ASPM: variants seen among roughly 807,000 people sequenced by gnomAD.
The protein encoded by ASPM is abnormal spindle-like microcephaly-associated protein.
Under a neutral mutation model 366.4 loss-of-function variants are expected in ASPM, and 256 were observed. That is an observed-to-expected ratio of 0.70 (90% CI 0.63 to 0.77). The LOEUF (loss-of-function observed/expected upper bound fraction) is 0.77. Ranked by LOEUF, ASPM falls within the 30% of genes least tolerant of loss-of-function variation. ASPM has a pLI of 0.00. For synonymous variants in ASPM, 1,414 were observed against 1,342.9 expected, an observed-to-expected ratio of 1.05 and a Z score of -1.16; for missense variants, 4,146 against 4,090.4, an observed-to-expected ratio of 1.01 and a Z score of -0.37.
chr1:197,091,484 A>C (rs1181980944), intron 22 of ASPM, among the ~76,000 whole-genome samples: 2 of 152,034 alleles, frequency 1.3e-5, no homozygotes, highest in Non-Finnish European at 2.9e-5. Flanking sequence ...AAAGATGTTA[A>C]AAAAAAGTAC....
chr1:197,129,687 CTT>C (rs1658204001), intron 8 of ASPM, among the ~76,000 whole-genome samples: 2 of 152,198 alleles, frequency 1.3e-5, no homozygotes, highest in South Asian at 2.1e-4. Flanking sequence ...CCCCATAGGA[CTT>C]ACAACCTACT....
chr1:197,138,586 C>T (rs1483105712), intron 4 of ASPM, among the ~76,000 whole-genome samples: 1 of 152,196 alleles, frequency 6.6e-6, no homozygotes, highest in African/African-American at 2.4e-5. Context: ...GCATGAGCCA[C>T]CACGCCCCAC....
In ASPM at chr1:197,102,428, T is replaced by C. The variant is rs1657224689; in HGVS notation, c.6823A>G (p.Thr2275Ala). Residue 2275 changes from threonine (T) to alanine (A), a missense_variant, in exon 18 of 28, where the codon ACT becomes GCT. Around this residue, in one of 3 missense-constraint regions of ASPM, gnomAD observed 3,624 missense variants for 3,591.7 expected, o/e 1.01. Coordinates refer to ENST00000367409, the MANE Select transcript of ASPM (RefSeq NM_018136.5). ...AATLIQRRFR[T>A]LMMRRRFLSL... ...AGGAATCTTCTTCTCATCATTAGAG[T>C]TCTAAATCTCCTCTGAATGAGAGTT... 6.2e-7 allele frequency: 1 copy of C among 1,612,466 alleles called. No individual in the cohort carries two copies. The highest frequency in any genetic ancestry group is 1.3e-5 in the African/African-American group (1 of 74,786).
intron 5 of ASPM, 45 bp downstream of exon 5, chr1:197,135,051 T>C (rs1269411903): frequency 1.5e-6 from 2 of 1,335,576 alleles, no homozygotes; most frequent in Non-Finnish European, 2.1e-6. Flanking sequence ...AAAATCTTTA[T>C]CTGTTAAAAG....
intron 18 of ASPM, among the ~76,000 whole-genome samples, chr1:197,097,262 T>C (rs2125091538): frequency 6.6e-6 from 1 of 151,838 alleles, no homozygotes; most frequent in South Asian, 2.1e-4. Context: ...AAGTAAGAAA[T>C]AATGTAATGC....
In ASPM at chr1:197,090,864, T is replaced by C; in HGVS notation, c.9622A>G (p.Ile3208Val). ...GTTTCAATTACCTGAATTTTAATGA[T>C]TCCACTAGTGAATTTTTCCTGCTTT... The part of the protein sequence containing the change: ...RKKQEKFTSG[I>V]IKIQALWRGY... The change falls in exon 23 of 28, where the codon ATC becomes GTC. Residue 3208 changes from isoleucine to valine, a missense_variant. By Grantham distance (29) the Ile-to-Val change is conservative. Coordinates refer to ENST00000367409, the MANE Select transcript of ASPM (RefSeq NM_018136.5). 1 of 1,612,848 alleles carries C rather than the reference T, an allele frequency of 6.2e-7. No homozygotes were observed. The highest frequency in any genetic ancestry group is 1.7e-5 in the Admixed American group (1 of 59,960).
Position 197,143,078 on chromosome 1 carries a change from A to T in ASPM, c.1174T>A (p.Ser392Thr), listed in dbSNP as rs765134677. The change falls in exon 3 of 28, where the codon TCC (serine) becomes ACC (threonine). Residue 392 changes from serine (S) to threonine (T), a missense_variant. This residue lies in a region of ASPM where 512 missense variants were observed against 471.7 expected (regional missense o/e 1.09). Coordinates refer to ENST00000367409, the MANE Select transcript of ASPM (RefSeq NM_018136.5). ...LESESVNPIL[S>T]PNQFLKDNMA... is the part of the protein sequence containing the mutation. ...TTATCTTTTAAAAATTGATTAGGGG[A>T]TAAAATAGGATTAACTGACTCTGAT... 21 of 1,613,018 alleles carry T rather than the reference A, an allele frequency of 1.3e-5. No homozygotes were observed. In the South Asian group the frequency reaches 2.3e-4, roughly 18 times the overall value.
Position 197,135,220 on chromosome 1 carries a change from T to C in ASPM, c.2049A>G (p.Pro683=), listed in dbSNP as rs1462540567. The change falls in exon 5 of 28, where the codon CCA becomes CCG. Residue 683 remains proline, a synonymous_variant. Coordinates refer to ENST00000367409, the MANE Select transcript of ASPM (RefSeq NM_018136.5). ...LKTDIPRHPM[P]FAAKNMFYDE... The stretch of plus-strand genomic sequence containing the variant: ...CATAAAACATGTTTTTTGCAGCAAA[T>C]GGCATCGGGTGTCTGGGAATATCTA... 1.9e-6 allele frequency: 3 copies of C among 1,613,918 alleles called. No homozygotes were observed. The highest frequency in any genetic ancestry group is 2.5e-6 in the Non-Finnish European group (3 of 1,179,952).
intron 17 of ASPM, among the ~76,000 whole-genome samples, chr1:197,115,954 T>C (rs180736668): frequency 1.0e-3 from 153 of 152,324 alleles, no homozygotes; most frequent in Non-Finnish European, 1.8e-3. Flanking sequence ...AAACTCTCCT[T>C]TGAATCTTTG....
intron 7 of ASPM, 93 bp downstream of exon 7, chr1:197,132,192 A>G (rs912474361): frequency 1.6e-5 from 16 of 1,022,468 alleles, no homozygotes; most frequent in East Asian, 5.4e-5. Context: ...TTCAACTTTT[A>G]TAAGTAAAAC....
intron 7 of ASPM, among the ~76,000 whole-genome samples, chr1:197,131,792 C>A (rs1260661535): frequency 6.6e-6 from 1 of 151,712 alleles, no homozygotes; most frequent in Admixed American, 6.6e-5. Context: ...ATCTCCTGAC[C>A]TCACGATCAG....
At chr1:197,112,086 T>C (rs1400393855) in intron 17 of ASPM, among the ~76,000 whole-genome samples, 2 of 152,200 alleles carry the variant, frequency 1.3e-5, no homozygotes, top group African/African-American at 2.4e-5. Flanking sequence ...ATATTCACAA[T>C]AGCAAAGACA....
At position 197,105,087 on chromosome 1, in the gene ASPM, T is replaced by C. The variant is rs201902806; in HGVS notation, c.4164A>G (p.Thr1388=). 16 of 1,609,794 alleles carry C rather than the reference T, an allele frequency of 9.9e-6. No individual in the cohort carries two copies. The East Asian group carries it at 2.2e-4, about 22-fold the overall frequency. Reference sequence around the variant, plus strand: ...TAGCCCAAAGATATCGTTTATAAGATGTAACAGCAATTATCATTCTTATCC... The same window carrying C: ...TAGCCCAAAGATATCGTTTATAAGACGTAACAGCAATTATCATTCTTATCC... ...QSRIRMIIAV[T]SYKRYLWATV... The change falls in exon 18 of 28, where the codon ACA becomes ACG. Residue 1388 remains threonine (T), a synonymous_variant. Coordinates refer to ENST00000367409, the MANE Select transcript of ASPM (RefSeq NM_018136.5).
At position 197,146,369 on chromosome 1, in the gene ASPM, C is replaced by G; in HGVS notation, c.69G>C (p.Gly23=). Residue 23 remains glycine (G), a synonymous_variant, in exon 1 of 28, where the codon GGG becomes GGC. Transcript: ENST00000367409. ...CCTCCTCGGCCGCGGGGCCCCGCAG[C>G]CCCGCGGGCGGCCTCCGCTCGGTCG... ...VSPTERRPPA[G]LRGPAAEEEA... is the part of the protein sequence containing the mutation. 2 of 1,608,584 alleles carry G rather than the reference C, an allele frequency of 1.2e-6. No homozygotes were observed. Among genetic ancestry groups the G allele is most frequent in the Non-Finnish European group, 1.7e-6 (2 of 1,178,502 alleles).
Position 197,133,896 on chromosome 1 carries a change from TAA to T in ASPM, c.2174-303_2174-302del, listed in dbSNP as rs201492897. ...TGTTCCCATCCTTTTTATAAATTAA[TAA>T]AAGTCAAGTTTCTAAGGAATATAAT... On this transcript the variant is annotated intron_variant, in intron 5 of 27. Transcript: ENST00000367409. 9.0e-3 allele frequency among the ~76,000 whole-genome samples: 1,366 copies of T among 152,330 alleles called. 18 individuals are homozygous for T. The highest frequency in any genetic ancestry group is 0.029 in the African/African-American group (1,211 of 41,582).
intron 23 of ASPM, 52 bp downstream of exon 23, chr1:197,090,798 A>T (rs4915316): frequency 6.6e-7 from 1 of 1,509,782 alleles, no homozygotes. Flanking sequence ...GATATCATGT[A>T]GATGAATTGC....
At chr1:197,087,544 AT>A (rs1656634669) in intron 26 of ASPM, among the ~76,000 whole-genome samples, 1 of 106,258 alleles carries the variant, frequency 9.4e-6, no homozygotes, top group East Asian at 1.9e-3. Flanking sequence ...TATAGTCAAC[AT>A]AGCAATTATA....
In ASPM at chr1:197,101,268, T is replaced by G; in HGVS notation, c.7983A>C (p.Leu2661=). Residue 2661 remains leucine (L), a synonymous_variant, in exon 18 of 28, where the codon CTA becomes CTC. Coordinates refer to ENST00000367409, the MANE Select transcript of ASPM (RefSeq NM_018136.5). ...VVSIQRRYRK[L]TAVRTQAVIC... ...TAACTGCTTGGGTACGCACTGCAGT[T>G]AGTTTTCTGTATCTTCTTTGAATAG... 7 of 1,612,098 alleles carry G rather than the reference T, an allele frequency of 4.3e-6. No individual in the cohort carries two copies. The highest frequency in any genetic ancestry group is 5.9e-6 in the Non-Finnish European group (7 of 1,178,912).
At chr1:197,135,623 C>CTTTTTTT (rs778898963) in intron 4 of ASPM, among the ~76,000 whole-genome samples, 8 of 69,790 alleles carry the variant, frequency 1.1e-4, no homozygotes, top group African/African-American at 2.3e-4. Context: ...AAATATCTGT[C>CTTTTTTT]TTTTTTTTTT....
Sources: allele counts gnomAD v4.1 joint callset (sites outside exome capture counted in the v4.1 genomes callset), GRCh38; gene constraint gnomAD v4.1.1; regional missense constraint gnomAD v4.1.1; transcripts MANE v1.5; gene names NCBI Gene and HGNC (gene_info 2026-07-23, HGNC 2026-07-21).